MED27: variants seen among roughly 807,000 people sequenced by gnomAD.
MED27 encodes mediator of RNA polymerase II transcription subunit 27.
Under a neutral mutation model 38.2 loss-of-function variants are expected in MED27, and 30 were observed. That is an observed-to-expected ratio of 0.79 (90% confidence interval 0.59 to 1.07). MED27 has a LOEUF of 1.07. Ranked by LOEUF, MED27 falls within the 50% of genes least tolerant of loss-of-function variation. MED27 has a pLI of 0.00. For missense variants in MED27, 289 were observed against 397.5 expected (o/e 0.73, Z 2.32); for synonymous variants, 122 against 153.5 (o/e 0.79, Z 1.52).
intron 3 of MED27, among the ~76,000 whole-genome samples, chr9:131,958,525 C>T (rs1051539978): frequency 1.3e-5 from 2 of 152,152 alleles, no homozygotes; most frequent in African/African-American, 2.4e-5. Context: ...GGATTACAGG[C>T]GTGAGCCACT....
At chr9:131,922,820 G>A (rs1364455423) in intron 4 of MED27, among the ~76,000 whole-genome samples, 3 of 151,918 alleles carry the variant, frequency 2.0e-5, no homozygotes, top group Admixed American at 6.6e-5. Context: ...CGCCATGGTG[G>A]CCAGGCTGGT....
chr9:132,040,733 C>T (rs569867336), intron 2 of MED27, among the ~76,000 whole-genome samples: 13 of 152,176 alleles, frequency 8.5e-5, no homozygotes, highest in Middle Eastern at 3.2e-3. Context: ...CTGTTTCTGC[C>T]GGTACGCCCT....
chr9:132,036,578 GA>G, intron 2 of MED27, among the ~76,000 whole-genome samples: 1 of 152,220 alleles, frequency 6.6e-6, no homozygotes, highest in African/African-American at 2.4e-5. Flanking sequence ...GAAGAGCTGA[GA>G]AAAGAGCATG....
rs553635278 is a variant in MED27 at position 131,980,603 on chromosome 9, T to G, written c.479+33734A>C. 3.9e-5 allele frequency among the ~76,000 whole-genome samples: 6 copies of G among 152,362 alleles called. No individual in the cohort carries two copies. In the South Asian group the frequency reaches 8.3e-4, roughly 21 times the overall value. On this transcript the variant is annotated intron_variant, in intron 3 of 7. Transcript: ENST00000292035. ...GGAAGCATTTGACAGAAGACAGTTA[T>G]GCTTCCCAATTAGTTCCTAAAAATA... is the stretch of plus-strand genomic sequence containing the variant.
At chr9:131,945,475 T>C (rs1340769792) in intron 3 of MED27, among the ~76,000 whole-genome samples, 2 of 152,172 alleles carry the variant, frequency 1.3e-5, no homozygotes, top group African/African-American at 2.4e-5. Context: ...TTAGCAATTT[T>C]CAAGAATATA....
chr9:131,880,976 ATGGAC>A (rs1257740053), intron 6 of MED27, among the ~76,000 whole-genome samples: 3 of 152,002 alleles, frequency 2.0e-5, no homozygotes, highest in African/African-American at 7.3e-5. Flanking sequence ...TGGAATGGAA[ATGGAC>A]CATTGTTAAA....
chr9:131,908,156 G>A (rs13293731), intron 4 of MED27, among the ~76,000 whole-genome samples: 1 of 145,334 alleles, frequency 6.9e-6, no homozygotes, highest in Non-Finnish European at 1.5e-5. Context: ...TCGGCCAGCC[G>A]CCCCGTCCAG....
intron 2 of MED27, among the ~76,000 whole-genome samples, chr9:132,071,895 A>G (rs142116534): frequency 1.3e-5 from 2 of 152,184 alleles, no homozygotes; most frequent in Admixed American, 1.3e-4. Flanking sequence ...CCCATGGATG[A>G]GCACACAAGC....
At chr9:131,981,968 T>C (rs1831747155) in intron 3 of MED27, among the ~76,000 whole-genome samples, 1 of 152,146 alleles carries the variant, frequency 6.6e-6, no homozygotes, top group African/African-American at 2.4e-5. Context: ...GACCCTCCCC[T>C]GACGTCCAGC....
At chr9:132,073,605 T>G in intron 2 of MED27, 1 of 1,425,860 alleles carries the variant, frequency 7.0e-7, no homozygotes, top group Non-Finnish European at 9.1e-7. Context: ...CCTTCAGAGA[T>G]AGATGTGAGA....
intron 4 of MED27, among the ~76,000 whole-genome samples, chr9:131,918,632 C>G (rs143703948): frequency 4.7e-4 from 72 of 152,148 alleles, no homozygotes; most frequent in Admixed American, 2.0e-3. Context: ...AGGTTTAATG[C>G]CCAAGCATTT....
At chr9:132,014,871 T>C (rs1242247383) in intron 2 of MED27, among the ~76,000 whole-genome samples, 14 of 152,234 alleles carry the variant, frequency 9.2e-5, no homozygotes, top group Admixed American at 9.2e-4. Context: ...AGTAGTAGAA[T>C]TCGAGTGATT....
At chr9:132,057,369 G>A (rs1485954233) in intron 2 of MED27, among the ~76,000 whole-genome samples, 4 of 152,158 alleles carry the variant, frequency 2.6e-5, no homozygotes, top group African/African-American at 7.2e-5. Context: ...AGAAACAAAT[G>A]GAATGTGGGC....
chr9:132,042,699 G>C (rs1232359947), intron 2 of MED27, among the ~76,000 whole-genome samples: 1 of 152,074 alleles, frequency 6.6e-6, no homozygotes, highest in Non-Finnish European at 1.5e-5. Flanking sequence ...TATTTCACTG[G>C]GCTTCACTTT....
At chr9:131,939,250 A>AACTATGTTATTC (rs1304518273) in intron 4 of MED27, 131 bp downstream of exon 4, 2 of 497,808 alleles carry the variant, frequency 4.0e-6, no homozygotes, top group African/African-American at 4.0e-5. Flanking sequence ...CCAGTAAAGA[A>AACTATGTTATTC]ACTATGTTAT....
intron 3 of MED27, among the ~76,000 whole-genome samples, chr9:132,011,494 GTAGGTGCT>G (rs1832486559): frequency 6.6e-6 from 1 of 152,154 alleles, no homozygotes; most frequent in Non-Finnish European, 1.5e-5. Flanking sequence ...GTGGCACATA[GTAGGTGCT>G]CAGTGGAAGT....
At chr9:131,935,125 A>G (rs1235370600) in intron 4 of MED27, among the ~76,000 whole-genome samples, 2 of 152,254 alleles carry the variant, frequency 1.3e-5, no homozygotes, top group East Asian at 3.8e-4. Flanking sequence ...TACAAAAAGT[A>G]GTTAGTAAAA....
rs1838628989 is a variant in MED27, at chr9:131,860,187, T to G, written c.*351A>C. On this transcript the variant is annotated 3_prime_UTR_variant, in exon 8 of 8. Transcript: ENST00000292035. This position sits in a 1 kb window ranked among gnomAD's most constrained non-coding sequence, Gnocchi z 5.8. ...CCCCACAAAACACAAGAACCCCGCATGACGATACCCATGAACACAAGGGCT... is the reference window on the plus strand; with the variant it reads ...CCCCACAAAACACAAGAACCCCGCAGGACGATACCCATGAACACAAGGGCT... 1 of 214,750 alleles carries G rather than the reference T, an allele frequency of 4.7e-6. No homozygotes were observed. Among genetic ancestry groups the G allele is most frequent in the African/African-American group, 2.3e-5 (1 of 43,664 alleles). 13.3% of individuals were successfully genotyped at this position (214,750 alleles called of 1,614,324 possible). A position where few individuals can be genotyped will look rare whatever the true frequency, so the allele number is the denominator to read the frequency against.
intron 3 of MED27, among the ~76,000 whole-genome samples, chr9:131,987,670 C>T (rs958281469): frequency 2.0e-5 from 3 of 151,978 alleles, no homozygotes; most frequent in African/African-American, 7.3e-5. Flanking sequence ...TCTCCTCTTG[C>T]TTTCTATTTA....
Sources: allele counts gnomAD v4.1 joint callset (sites outside exome capture counted in the v4.1 genomes callset), GRCh38; gene constraint gnomAD v4.1.1; non-coding constraint Gnocchi (gnomAD v3.1); transcripts MANE v1.5; gene names NCBI Gene and HGNC (gene_info 2026-07-23, HGNC 2026-07-21).